The following NRXN3 variants were observed in gnomAD, a reference collection of about 807,000 sequenced individuals.
NRXN3 encodes the protein neurexin III.
In NRXN3, 32 loss-of-function variants were observed where a neutral mutation model predicts 137.6. That is an observed-to-expected ratio of 0.23 (90% CI 0.18 to 0.31). NRXN3 has a LOEUF of 0.31. Ranked by LOEUF, NRXN3 falls within the 10% of genes least tolerant of loss-of-function variation. The probability of loss-of-function intolerance (pLI) is 1.00; values close to 1 mark genes in which losing one functional copy is unlikely to be tolerated. For missense variants in NRXN3, 1,574 were observed against 2,062.5 expected (o/e 0.76, Z 4.59); for synonymous variants, 798 against 784.5 (o/e 1.02, Z -0.29).
At chr14:78,932,343 G>A (rs757276983) in intron 10 of NRXN3, among the ~76,000 whole-genome samples, 1 of 152,074 alleles carries the variant, frequency 6.6e-6, no homozygotes, top group Non-Finnish European at 1.5e-5. Flanking sequence ...GTGCCAGCAA[G>A]CAAAACTGAG....
intron 19 of NRXN3, among the ~76,000 whole-genome samples, chr14:79,741,597 G>A (rs992635995): frequency 6.6e-6 from 1 of 152,016 alleles, no homozygotes; most frequent in African/African-American, 2.4e-5. Context: ...TGACTCTCAT[G>A]CCTCAGCTTC....
At chr14:78,746,194 G>T (rs2098606365) in intron 8 of NRXN3, among the ~76,000 whole-genome samples, 1 of 152,146 alleles carries the variant, frequency 6.6e-6, no homozygotes, top group Non-Finnish European at 1.5e-5. Flanking sequence ...TTAAAAGGCT[G>T]CTAATGTTCT....
At chr14:78,394,056 T>TA (rs1262946408) in intron 4 of NRXN3, among the ~76,000 whole-genome samples, 1 of 151,982 alleles carries the variant, frequency 6.6e-6, no homozygotes, top group Non-Finnish European at 1.5e-5. Context: ...TAATGACAGT[T>TA]ATATTTGTTT....
Position 78,182,845 on chromosome 14 carries a change from GA to G in NRXN3, c.-704+12180del, listed in dbSNP as rs200249350. 5.4e-3 allele frequency among the ~76,000 whole-genome samples: 818 copies of G among 151,702 alleles called. 9 individuals are homozygous for G. The highest frequency in any genetic ancestry group is 0.019 in the African/African-American group (767 of 41,338). ...TTCTTATCCCTTTTTTTGCAGGTGA[GA>G]AAAAAAAAGTTTTTGGGAGGTTCAG... On this transcript the variant is annotated intron_variant, in intron 1 of 20. Transcript: ENST00000335750.
intron 4 of NRXN3, among the ~76,000 whole-genome samples, chr14:78,382,655 T>G (rs2089322273): frequency 6.6e-6 from 1 of 152,200 alleles, no homozygotes. Flanking sequence ...TTGCTTGCCT[T>G]GCAGATCCCG....
intron 10 of NRXN3, among the ~76,000 whole-genome samples, chr14:78,903,065 T>C (rs898143063): frequency 6.6e-6 from 1 of 151,872 alleles, no homozygotes; most frequent in Non-Finnish European, 1.5e-5. Flanking sequence ...CACTTTGTAC[T>C]GAGCTCTTAC....
At chr14:79,379,918 C>T (rs557355265) in intron 15 of NRXN3, among the ~76,000 whole-genome samples, 7 of 151,658 alleles carry the variant, frequency 4.6e-5, no homozygotes, top group Admixed American at 2.6e-4. Context: ...ACACAATATA[C>T]GAAGTACATT....
At chr14:79,737,052 T>C (rs1389996402) in intron 19 of NRXN3, among the ~76,000 whole-genome samples, 1 of 152,226 alleles carries the variant, frequency 6.6e-6, no homozygotes, top group Non-Finnish European at 1.5e-5. Context: ...GTTCACAACA[T>C]CCAAGCTGCA....
chr14:79,242,185 C>T (rs2074418240), intron 15 of NRXN3, among the ~76,000 whole-genome samples: 1 of 152,120 alleles, frequency 6.6e-6, no homozygotes, highest in Non-Finnish European at 1.5e-5. Context: ...TATAAGGTAA[C>T]ACAGCCAGTG....
intron 15 of NRXN3, among the ~76,000 whole-genome samples, chr14:79,095,610 C>A (rs868133723): frequency 5.3e-5 from 8 of 151,920 alleles, no homozygotes; most frequent in Middle Eastern, 3.4e-3. Context: ...AAACAGTTAA[C>A]AATATCGATT....
At chr14:78,179,135 G>A (rs558530442) in intron 1 of NRXN3, among the ~76,000 whole-genome samples, 7 of 152,226 alleles carry the variant, frequency 4.6e-5, no homozygotes, top group South Asian at 2.1e-4. Context: ...TCCTTCCCCC[G>A]TGGAGCAGGA....
chr14:79,792,330 G>A lies in NRXN3; in HGVS notation c.4015-12782G>A, dbSNP rs201790672. ...ATTATAAATGTGGCTTCTCTTGTTT[G>A]TTGCCCAGTAATTCTGTTTTATTGA... On this transcript the variant is annotated intron_variant, in intron 19 of 20. Coordinates refer to ENST00000335750, the MANE Select transcript of NRXN3 (RefSeq NM_001330195.2). 1.1e-3 allele frequency among the ~76,000 whole-genome samples: 163 copies of A among 152,230 alleles called. 2 individuals carry two copies. The highest frequency in any genetic ancestry group is 1.7e-3 in the African/African-American group (70 of 41,552).
chr14:78,894,193 C>A (rs972893922), intron 10 of NRXN3, among the ~76,000 whole-genome samples: 1 of 151,916 alleles, frequency 6.6e-6, no homozygotes, highest in Non-Finnish European at 1.5e-5. Flanking sequence ...ATCTTTGTAG[C>A]ATACGATGCT....
chr14:78,482,480 C>A (rs1410241624), intron 4 of NRXN3, among the ~76,000 whole-genome samples: 2 of 152,186 alleles, frequency 1.3e-5, no homozygotes, highest in African/African-American at 4.8e-5. Flanking sequence ...ACCCTCCTCT[C>A]TCTCTCAGAC....
Position 78,803,835 on chromosome 14 carries a change from A to T in NRXN3, c.2248+12A>T, listed in dbSNP as rs1297354821. Reference sequence around the variant, plus strand: ...CATGGTTAACTTAGGTATCGTATGAAGTACCCTCTGCCACTTCGTTTGGGC... The same window carrying T: ...CATGGTTAACTTAGGTATCGTATGATGTACCCTCTGCCACTTCGTTTGGGC... On this transcript the variant is annotated intron_variant, in intron 9 of 20. Coordinates refer to ENST00000335750, the MANE Select transcript of NRXN3 (RefSeq NM_001330195.2). The T allele has an allele frequency of 6.2e-7, 1 of 1,609,668 alleles. No individual in the cohort carries two copies. Among genetic ancestry groups the T allele is most frequent in the African/African-American group, 1.3e-5 (1 of 74,834 alleles).
At chr14:78,684,938 TTACA>T (rs2098112826) in intron 6 of NRXN3, among the ~76,000 whole-genome samples, 3 of 152,234 alleles carry the variant, frequency 2.0e-5, no homozygotes, top group Non-Finnish European at 1.5e-5. Flanking sequence ...GTATTATGCT[TTACA>T]TATTTTGGGC....
At chr14:78,283,778 G>A (rs1441061149) in intron 3 of NRXN3, among the ~76,000 whole-genome samples, 1 of 152,160 alleles carries the variant, frequency 6.6e-6, no homozygotes, top group African/African-American at 2.4e-5. Context: ...CCAAGTGCTG[G>A]GATTACAGGT....
chr14:79,599,966 G>C (rs1269256608), intron 16 of NRXN3, among the ~76,000 whole-genome samples: 3 of 152,244 alleles, frequency 2.0e-5, no homozygotes, highest in African/African-American at 7.2e-5. Flanking sequence ...CTGCACTCCA[G>C]CCTAGGCAAC....
intron 10 of NRXN3, among the ~76,000 whole-genome samples, chr14:78,938,842 A>ATTTTTTTTTTTTTTTTTTTT (rs1312407059): frequency 7.4e-6 from 1 of 134,368 alleles, no homozygotes. Flanking sequence ...GTCCAGAGTG[A>ATTTTTTTTTTTTTTTTTTTT]TTTTTCTTTT....
Sources: allele counts gnomAD v4.1 joint callset (sites outside exome capture counted in the v4.1 genomes callset), GRCh38; gene constraint gnomAD v4.1.1; transcripts MANE v1.5; gene names NCBI Gene and HGNC (gene_info 2026-07-23, HGNC 2026-07-21).